The following AKAP19 variants were observed in gnomAD, a reference collection of about 807,000 sequenced individuals.
The protein encoded by AKAP19 is small A-kinase anchoring protein.
At chr2:190,039,214 G>GA in the AKAP19 span, among the ~76,000 whole-genome samples, 1 of 151,978 alleles carries the variant, frequency 6.6e-6, no homozygotes, top group Non-Finnish European at 1.5e-5. Flanking sequence ...GAGTAGCTGG[G>GA]ATTACAGGTG....
At chr2:190,112,807 G>A in the AKAP19 span, among the ~76,000 whole-genome samples, 4 of 152,126 alleles carry the variant, frequency 2.6e-5, no homozygotes, top group African/African-American at 9.6e-5. Context: ...CCATAATTTC[G>A]TTTCTTCTCT....
chr2:190,183,786 T>C, the AKAP19 span, among the ~76,000 whole-genome samples: 1 of 151,906 alleles, frequency 6.6e-6, no homozygotes, highest in Non-Finnish European at 1.5e-5. Flanking sequence ...CACCAGAATG[T>C]GAAGGCATGG....
At chr2:189,942,931 C>G in the AKAP19 span, among the ~76,000 whole-genome samples, 3 of 152,248 alleles carry the variant, frequency 2.0e-5, no homozygotes, top group South Asian at 6.2e-4. Flanking sequence ...AAAGGAATGA[C>G]TGAAAGTTGG....
At chr2:190,090,457 C>T in the AKAP19 span, among the ~76,000 whole-genome samples, 3 of 152,308 alleles carry the variant, frequency 2.0e-5, no homozygotes, top group African/African-American at 4.8e-5. Context: ...AGCACCAATT[C>T]GCCAGGCACA....
chr2:190,035,031 C>A, the AKAP19 span, among the ~76,000 whole-genome samples: 1 of 151,866 alleles, frequency 6.6e-6, no homozygotes, highest in Non-Finnish European at 1.5e-5. Flanking sequence ...TTGTCCCTGC[C>A]CCCAGATTAT....
chr2:190,180,365 G>A, the AKAP19 span: 114 of 695,150 alleles, frequency 1.6e-4, no homozygotes, highest in Non-Finnish European at 1.9e-4. This position sits in a 1 kb window ranked among gnomAD's most constrained non-coding sequence, Gnocchi z 6.8. Flanking sequence ...CAGGCCCCGC[G>A]GGGGAGAGGC....
chr2:190,167,357 G>T, the AKAP19 span, among the ~76,000 whole-genome samples: 5 of 152,062 alleles, frequency 3.3e-5, no homozygotes, highest in Non-Finnish European at 5.9e-5. Flanking sequence ...CCCACAACAC[G>T]TGGGAATTCA....
the AKAP19 span, among the ~76,000 whole-genome samples, chr2:190,088,067 G>A: frequency 2.0e-5 from 3 of 152,158 alleles, no homozygotes; most frequent in Non-Finnish European, 2.9e-5. Context: ...TGTAAAGTAT[G>A]TATAGCTGAT....
chr2:190,147,080 C>T, the AKAP19 span, among the ~76,000 whole-genome samples: 1 of 152,130 alleles, frequency 6.6e-6, no homozygotes, highest in Non-Finnish European at 1.5e-5. Flanking sequence ...TTGCCTAAGC[C>T]AATGTCTAGA....
chr2:190,086,770 G>A, the AKAP19 span, among the ~76,000 whole-genome samples: 1 of 152,196 alleles, frequency 6.6e-6, no homozygotes, highest in Non-Finnish European at 1.5e-5. Flanking sequence ...GTTGCTCAGA[G>A]AATGTCTTGC....
the AKAP19 span, among the ~76,000 whole-genome samples, chr2:189,882,530 C>A: frequency 6.6e-6 from 1 of 152,222 alleles, no homozygotes; most frequent in Admixed American, 6.5e-5. Flanking sequence ...AGACAAGAGA[C>A]AAAAGGTTGC....
chr2:190,075,472 CTT>C, the AKAP19 span, among the ~76,000 whole-genome samples: 15 of 152,142 alleles, frequency 9.9e-5, no homozygotes, highest in Non-Finnish European at 2.1e-4. Context: ...GGCTACTTCT[CTT>C]TTCATTTGTC....
the AKAP19 span, among the ~76,000 whole-genome samples, chr2:190,043,750 G>A: frequency 3.3e-5 from 5 of 152,160 alleles, no homozygotes; most frequent in Admixed American, 2.0e-4. Flanking sequence ...CAGTCGTTTG[G>A]AGGATGTACA....
chr2:190,117,510 C>T, the AKAP19 span, among the ~76,000 whole-genome samples: 11 of 152,140 alleles, frequency 7.2e-5, no homozygotes, highest in Non-Finnish European at 1.6e-4. Flanking sequence ...TAGAGTTTCG[C>T]AATACATGTT....
At chr2:189,895,035 G>GA in the AKAP19 span, among the ~76,000 whole-genome samples, 11 of 149,620 alleles carry the variant, frequency 7.4e-5, no homozygotes, top group Admixed American at 3.3e-4. Context: ...ACTAATGAAA[G>GA]AAAAAAAACA....
chr2:189,904,332 G>A, the AKAP19 span, among the ~76,000 whole-genome samples: 1 of 151,968 alleles, frequency 6.6e-6, no homozygotes, highest in Admixed American at 6.6e-5. Context: ...CCAACCCAAG[G>A]TTAGGCCCTT....
chr2:190,139,812 TGTC>T, the AKAP19 span, among the ~76,000 whole-genome samples: 1 of 152,210 alleles, frequency 6.6e-6, no homozygotes, highest in South Asian at 2.1e-4. Flanking sequence ...CCAAATCTCA[TGTC>T]GTCACATTTC....
the AKAP19 span, among the ~76,000 whole-genome samples, chr2:189,978,441 T>A: frequency 1.3e-5 from 2 of 152,002 alleles, no homozygotes; most frequent in Admixed American, 6.6e-5. Context: ...GCCAACATGG[T>A]GAAACCCCAT....
At chr2:189,942,320 T>C in the AKAP19 span, among the ~76,000 whole-genome samples, 1 of 152,180 alleles carries the variant, frequency 6.6e-6, no homozygotes, top group African/African-American at 2.4e-5. Flanking sequence ...CTGCTCTCCC[T>C]TTGCCTTCTG....
Sources: allele counts gnomAD v4.1 joint callset (sites outside exome capture counted in the v4.1 genomes callset), GRCh38; gene constraint gnomAD v4.1.1; non-coding constraint Gnocchi (gnomAD v3.1); transcripts MANE v1.5; gene names NCBI Gene and HGNC (gene_info 2026-07-23, HGNC 2026-07-21).